POFUT3: variants seen among roughly 807,000 people sequenced by gnomAD.
The protein encoded by POFUT3 is GDP-fucose protein O-fucosyltransferase 3.
At chr8:33,347,314 G>C in the POFUT3 span, among the ~76,000 whole-genome samples, 1 of 152,112 alleles carries the variant, frequency 6.6e-6, no homozygotes, top group African/African-American at 2.4e-5. Flanking sequence ...AAGTACCATA[G>C]GTTCTGCAAA....
At chr8:33,370,284 G>C in the POFUT3 span, among the ~76,000 whole-genome samples, 1 of 151,732 alleles carries the variant, frequency 6.6e-6, no homozygotes, top group Non-Finnish European at 1.5e-5. Flanking sequence ...GAACCCAGGA[G>C]GTGGAGGTTG....
At chr8:33,314,028 C>T in the POFUT3 span, among the ~76,000 whole-genome samples, 1 of 152,184 alleles carries the variant, frequency 6.6e-6, no homozygotes, top group African/African-American at 2.4e-5. Flanking sequence ...TTTGTGCTCC[C>T]TATAACTCTG....
the POFUT3 span, among the ~76,000 whole-genome samples, chr8:33,466,557 AGATAG>A: frequency 5.3e-5 from 8 of 152,282 alleles, no homozygotes; most frequent in Admixed American, 2.6e-4. Flanking sequence ...CAGCCAGGGT[AGATAG>A]TAGTATTGTG....
chr8:33,360,023 A>C, the POFUT3 span, among the ~76,000 whole-genome samples: 5 of 151,632 alleles, frequency 3.3e-5, no homozygotes, highest in Non-Finnish European at 7.4e-5. Context: ...ACCAAACCAA[A>C]CAAACAAACA....
chr8:33,423,358 T>C, the POFUT3 span, among the ~76,000 whole-genome samples: 1 of 152,094 alleles, frequency 6.6e-6, no homozygotes, highest in Non-Finnish European at 1.5e-5. Flanking sequence ...AGCCTTGACC[T>C]CCTGGGCTCA....
the POFUT3 span, among the ~76,000 whole-genome samples, chr8:33,403,037 G>A: frequency 6.6e-6 from 1 of 151,852 alleles, no homozygotes; most frequent in African/African-American, 2.4e-5. Flanking sequence ...CTCCAGCCCG[G>A]GTGACAAAGT....
the POFUT3 span, among the ~76,000 whole-genome samples, chr8:33,429,018 C>T: frequency 1.3e-5 from 2 of 152,200 alleles, no homozygotes; most frequent in Non-Finnish European, 1.5e-5. Flanking sequence ...ATGCATGATG[C>T]TAAGTCACAG....
At chr8:33,346,146 A>C in the POFUT3 span, among the ~76,000 whole-genome samples, 1 of 136,710 alleles carries the variant, frequency 7.3e-6, no homozygotes, top group East Asian at 2.1e-4. Context: ...AATTATAGCC[A>C]CTGAGTGCAG....
At chr8:33,460,303 C>T in the POFUT3 span, among the ~76,000 whole-genome samples, 4 of 152,080 alleles carry the variant, frequency 2.6e-5, no homozygotes, top group East Asian at 3.9e-4. Context: ...TGCAGTGAGC[C>T]GAGACTGCGC....
At chr8:33,390,455 A>C in the POFUT3 span, among the ~76,000 whole-genome samples, 1 of 152,016 alleles carries the variant, frequency 6.6e-6, no homozygotes, top group Non-Finnish European at 1.5e-5. Context: ...AAATAGGAGA[A>C]ATAAAGAGAT....
At chr8:33,461,581 G>C in the POFUT3 span, 2 of 1,546,254 alleles carry the variant, frequency 1.3e-6, no homozygotes, top group Non-Finnish European at 1.7e-6. Flanking sequence ...TGCCATTCCT[G>C]CTGGGACCAG....
the POFUT3 span, among the ~76,000 whole-genome samples, chr8:33,398,209 T>C: frequency 6.6e-6 from 1 of 152,200 alleles, no homozygotes; most frequent in Non-Finnish European, 1.5e-5. Context: ...AATTATTATT[T>C]TTTTGTTTTG....
chr8:33,449,090 A>G, the POFUT3 span, among the ~76,000 whole-genome samples: 2 of 152,148 alleles, frequency 1.3e-5, no homozygotes, highest in African/African-American at 2.4e-5. Flanking sequence ...GTCATACAGT[A>G]TAAGACCAAA....
chr8:33,354,771 TAA>T, the POFUT3 span, among the ~76,000 whole-genome samples: 1 of 152,174 alleles, frequency 6.6e-6, no homozygotes, highest in Non-Finnish European at 1.5e-5. Flanking sequence ...AGAATCAAAT[TAA>T]AGAGAATAAC....
chr8:33,404,350 AAAG>A, the POFUT3 span, among the ~76,000 whole-genome samples: 3,526 of 149,572 alleles, frequency 0.024, 145 homozygotes, highest in African/African-American at 0.085. Flanking sequence ...AAAAAAAAAA[AAAG>A]AAAAAGAAAA....
the POFUT3 span, among the ~76,000 whole-genome samples, chr8:33,309,195 TATATACACAC>T: frequency 9.2e-6 from 1 of 108,734 alleles, no homozygotes; most frequent in African/African-American, 3.5e-5. Flanking sequence ...TATATATATA[TATATACACAC>T]ACATATTTTT....
At chr8:33,449,334 G>A in the POFUT3 span, among the ~76,000 whole-genome samples, 1 of 123,794 alleles carries the variant, frequency 8.1e-6, no homozygotes. Context: ...CTGTCACCCA[G>A]GCTGGAGTGC....
the POFUT3 span, chr8:33,452,042 C>T: frequency 6.6e-6 from 1 of 151,710 alleles, no homozygotes; most frequent in Admixed American, 6.6e-5. Context: ...ACAGCCAAAC[C>T]ATATCAGTAT....
chr8:33,349,880 A>G, the POFUT3 span, among the ~76,000 whole-genome samples: 23 of 152,232 alleles, frequency 1.5e-4, no homozygotes, highest in African/African-American at 5.5e-4. Context: ...TAGTAGTTGT[A>G]CTAGTTTACA....
Sources: gnomAD v4.1 joint callset for allele counts (sites outside exome capture counted in the v4.1 genomes callset) on GRCh38, gnomAD v4.1.1 for gene constraint, MANE v1.5 for transcripts, NCBI Gene and HGNC (gene_info 2026-07-23, HGNC 2026-07-21) for gene names.